The following IPP variants were observed in gnomAD, a reference collection of about 807,000 sequenced individuals.
IPP encodes the protein intracisternal A particle-promoted polypeptide.
IPP carries 41 observed loss-of-function variants against 64.1 expected under a neutral mutation model. That is an observed-to-expected ratio of 0.64 (90% CI 0.50 to 0.83). The LOEUF is 0.83. Among genes scored for constraint, IPP ranks in the 40% least tolerant of loss-of-function variants. The pLI, the probability that IPP is intolerant of heterozygous loss-of-function variation, is 0.00. For missense variants in IPP, 649 were observed against 703.0 expected, an observed-to-expected ratio of 0.92 and a Z score of 0.87; for synonymous variants, 214 against 235.2, an observed-to-expected ratio of 0.91 and a Z score of 0.83.
chr1:45,716,925 G>A lies in IPP; in HGVS notation c.1279C>T (p.Arg427Cys), dbSNP rs142095376. 4.5e-4 allele frequency: 725 copies of A among 1,612,354 alleles called. 1 individual carries two copies. Among genetic ancestry groups the A allele is most frequent in the Admixed American group, 2.0e-3 (122 of 59,862 alleles). The change falls in exon 7 of 9, where the codon CGC (arginine) becomes TGC (cysteine). Residue 427 changes from arginine to cysteine, a missense_variant. By Grantham distance (180) the Arg-to-Cys change is radical. Coordinates refer to ENST00000396478, the MANE Select transcript of IPP (RefSeq NM_005897.3). ...WEVVGNMAVSRYYFGCCEMQG... is the reference protein window; with the variant it reads ...WEVVGNMAVSCYYFGCCEMQG... ...ATTTCACAGCACCCAAAGTAGTAGC[G>A]TGACACAGCCATGTTACCAACTACT...
chr1:45,708,143 C>A (rs1645538835), intron 8 of IPP, among the ~76,000 whole-genome samples: 1 of 151,318 alleles, frequency 6.6e-6, no homozygotes. Flanking sequence ...CAGCTCACTG[C>A]AAGCTCCACC....
chr1:45,706,827 A>T (rs1226762655), intron 8 of IPP, among the ~76,000 whole-genome samples: 3 of 152,230 alleles, frequency 2.0e-5, no homozygotes, highest in African/African-American at 7.2e-5. Flanking sequence ...AAAATTCAAC[A>T]CTTAAAAGAA....
Position 45,740,910 on chromosome 1 carries a change from A to C in IPP, c.715T>G (p.Tyr239Asp), listed in dbSNP as rs935980510. ...ATAGCAAAAAAGTTACCTTCTATAT[A>C]CTTTAAAAGTCTCTGAGGAGGTAAT... ...PLLPPQRLLK[Y>D]IEGVSDFNLR... is the part of the protein sequence containing the mutation. The change falls in exon 3 of 9, where the codon TAT (tyrosine) becomes GAT (aspartate). Residue 239 changes from tyrosine (Y) to aspartate (D), a missense_variant. By Grantham distance (160) the Tyr-to-Asp change is radical. Transcript: ENST00000396478. The C allele has an allele frequency of 6.3e-7, 1 of 1,580,848 alleles. No homozygotes were observed. The highest frequency in any genetic ancestry group is 2.2e-5 in the East Asian group (1 of 44,704).
In IPP at chr1:45,699,372, G is replaced by C. The variant is rs1287735110; in HGVS notation, c.*594C>G. The C allele has an allele frequency of 1.0e-6, 1 of 984,752 alleles. No homozygotes were observed. Among genetic ancestry groups the C allele is most frequent in the Non-Finnish European group, 1.2e-6 (1 of 829,474 alleles). The allele number at this position is 984,752 out of a possible 1,614,324, so 61.0% of individuals were successfully genotyped here. ...TGCTCTGGATATAATTGTGAATATA[G>C]AGGTCTTTAAACTGTGTCATTGACA... is the stretch of plus-strand genomic sequence containing the variant. On this transcript the variant is annotated 3_prime_UTR_variant, in exon 9 of 9. Coordinates refer to ENST00000396478, the MANE Select transcript of IPP (RefSeq NM_005897.3).
At position 45,724,945 on chromosome 1, in the gene IPP, C is replaced by T. The variant is rs1457588522; in HGVS notation, c.1048+2686G>A. ...CCCGTCCGGGAGGTGAGGGGCTCCT[C>T]TGCCCGGCCGCCCCTACTGGGAAGT... On this transcript the variant is annotated intron_variant, in intron 5 of 8. Coordinates refer to ENST00000396478, the MANE Select transcript of IPP (RefSeq NM_005897.3). 4.1e-3 allele frequency among the ~76,000 whole-genome samples: 585 copies of T among 142,836 alleles called. 2 individuals are homozygous for T. Among genetic ancestry groups the T allele is most frequent in the Middle Eastern group, 7.6e-3 (2 of 262 alleles). 93.7% of individuals were successfully genotyped at this position (142,836 alleles called of 152,430 possible).
intron 1 of IPP, 126 bp from the exon 2 acceptor site, chr1:45,746,587 G>A: frequency 1.8e-6 from 1 of 546,058 alleles, no homozygotes; most frequent in Non-Finnish European, 3.2e-6. Flanking sequence ...GGACTAAAGT[G>A]TGGTACTATT....
Position 45,728,126 on chromosome 1 carries a change from CTGTGTGTG to C in IPP, c.881-336_881-329del, listed in dbSNP as rs371114917. Among the ~76,000 whole-genome samples, 698 of 132,268 alleles carry C rather than the reference CTGTGTGTG, an allele frequency of 5.3e-3. 4 individuals carry two copies. Among genetic ancestry groups the C allele is most frequent in the African/African-American group, 0.017 (617 of 35,876 alleles). The allele number at this position is 132,268 out of a possible 152,430, so 86.8% of individuals were successfully genotyped here. ...TCAATTAAAAATAGTGAGTTGAAAG[CTGTGTGTG>C]TGTGTGTGTGTGTGTGTGTGTGTGT... On this transcript the variant is annotated intron_variant, in intron 4 of 8. Transcript: ENST00000396478.
At chr1:45,748,678 A>G (rs913050449) in intron 1 of IPP, among the ~76,000 whole-genome samples, 1 of 151,922 alleles carries the variant, frequency 6.6e-6, no homozygotes, top group South Asian at 2.1e-4. Flanking sequence ...TCTCAACAAC[A>G]ACAACAACAA....
At chr1:45,748,730 G>T (rs1157838072) in intron 1 of IPP, among the ~76,000 whole-genome samples, 1 of 152,044 alleles carries the variant, frequency 6.6e-6, no homozygotes, top group Non-Finnish European at 1.5e-5. Flanking sequence ...CCAGCACTTT[G>T]GAAGGCTGAG....
chr1:45,737,314 G>T (rs1645995159), intron 3 of IPP, among the ~76,000 whole-genome samples: 1 of 151,900 alleles, frequency 6.6e-6, no homozygotes, highest in Non-Finnish European at 1.5e-5. Context: ...TTCCTTATTT[G>T]TGAATATACC....
intron 3 of IPP, among the ~76,000 whole-genome samples, chr1:45,740,429 G>C (rs1311779004): frequency 2.0e-5 from 3 of 152,004 alleles, no homozygotes; most frequent in African/African-American, 7.2e-5. Flanking sequence ...CCTCCCGGAC[G>C]GGGCGGCTGG....
intron 8 of IPP, 133 bp from the exon 9 acceptor site, chr1:45,700,323 G>T (rs1051741732): frequency 5.4e-6 from 7 of 1,301,894 alleles, no homozygotes; most frequent in East Asian, 2.5e-5. Flanking sequence ...TAAGCATACA[G>T]ATTTTTTTTT....
chr1:45,749,424 G>A (rs1646185738), intron 1 of IPP, among the ~76,000 whole-genome samples: 1 of 151,978 alleles, frequency 6.6e-6, no homozygotes, highest in Admixed American at 6.5e-5. Context: ...ATTGTTGACT[G>A]GGCAAGGTGG....
At chr1:45,700,504 G>T (rs1383197727) in intron 8 of IPP, among the ~76,000 whole-genome samples, 1 of 151,994 alleles carries the variant, frequency 6.6e-6, no homozygotes, top group Non-Finnish European at 1.5e-5. Flanking sequence ...ACCACACCTA[G>T]CTAATTTTTC....
In IPP at chr1:45,698,773, C is replaced by T; in HGVS notation, c.*1193G>A. ...TCATGCTGTCACCCAGGCCGGTGTG[C>T]AGTGGCACAATCTTGGCTCACTGCA... On this transcript the variant is annotated 3_prime_UTR_variant, in exon 9 of 9. Coordinates refer to ENST00000396478, the MANE Select transcript of IPP (RefSeq NM_005897.3). 1.6e-6 allele frequency: 1 copy of T among 618,258 alleles called. No individual in the cohort carries two copies. The highest frequency in any genetic ancestry group is 2.0e-6 in the Non-Finnish European group (1 of 503,090). 38.3% of individuals were successfully genotyped at this position (618,258 alleles called of 1,614,324 possible). A position where few individuals can be genotyped will look rare whatever the true frequency, so the allele number is the denominator to read the frequency against.
downstream of IPP, chr1:45,697,005 A>G (rs1167645885): frequency 1.3e-5 from 2 of 152,216 alleles, no homozygotes; most frequent in African/African-American, 4.8e-5. Context: ...TCTGTTTTGA[A>G]TCAGAATACA....
At chr1:45,725,343 T>G (rs1446265356) in intron 5 of IPP, among the ~76,000 whole-genome samples, 928 of 44,730 alleles carry the variant, frequency 0.021, no homozygotes, top group Middle Eastern at 0.029. Context: ...GAGGTGGGGG[T>G]GTCAGCCCCC....
chr1:45,709,357 CG>C (rs1645558902), intron 8 of IPP, among the ~76,000 whole-genome samples: 1 of 143,266 alleles, frequency 7.0e-6, no homozygotes, highest in Non-Finnish European at 1.5e-5. Context: ...GGTGTGAACC[CG>C]GGAAGCAGAA....
intron 1 of IPP, among the ~76,000 whole-genome samples, chr1:45,747,273 G>GT (rs1038498486): frequency 8.3e-4 from 124 of 148,796 alleles, no homozygotes; most frequent in African/African-American, 2.6e-3. Context: ...CTTAGGTTGG[G>GT]TTTTTTTTTT....
Sources: gnomAD v4.1 joint callset for allele counts (sites outside exome capture counted in the v4.1 genomes callset) on GRCh38, gnomAD v4.1.1 for gene constraint, MANE v1.5 for transcripts, NCBI Gene and HGNC (gene_info 2026-07-23, HGNC 2026-07-21) for gene names.